RSRC1: variants seen among roughly 807,000 people sequenced by gnomAD.
The protein encoded by RSRC1 is arginine and serine rich coiled-coil 1.
RSRC1 carries 39 observed loss-of-function variants against 49.1 expected under a neutral mutation model. That is an observed-to-expected ratio of 0.79 (90% CI 0.61 to 1.04). The LOEUF (loss-of-function observed/expected upper bound fraction) is 1.04. Ranked by LOEUF, RSRC1 falls within the 50% of genes least tolerant of loss-of-function variation. The pLI is 0.00. For synonymous variants in RSRC1, 143 were observed against 130.8 expected, an observed-to-expected ratio of 1.09 and a Z score of -0.63; for missense variants, 388 against 402.4, an observed-to-expected ratio of 0.96 and a Z score of 0.31.
chr3:158,137,826 GTATTTT>G (rs1165444343), intron 3 of RSRC1, among the ~76,000 whole-genome samples: 6 of 151,656 alleles, frequency 4.0e-5, no homozygotes, highest in African/African-American at 1.5e-4. Flanking sequence ...GCTAATTTTC[GTATTTT>G]TAGTAGAGAC....
chr3:158,290,334 GC>G (rs1383222461), intron 4 of RSRC1, among the ~76,000 whole-genome samples: 2 of 151,024 alleles, frequency 1.3e-5, no homozygotes, highest in Non-Finnish European at 2.9e-5. Context: ...GTGCAGTGGC[GC>G]GATTTCGGCT....
chr3:158,433,804 G>T (rs1312591478), intron 6 of RSRC1, among the ~76,000 whole-genome samples: 6 of 151,854 alleles, frequency 4.0e-5, no homozygotes, highest in African/African-American at 1.5e-4. Context: ...TTGTTAGATG[G>T]ATTGCTGATC....
intron 4 of RSRC1, among the ~76,000 whole-genome samples, chr3:158,296,278 A>T (rs1307891004): frequency 6.6e-6 from 1 of 152,106 alleles, no homozygotes; most frequent in Non-Finnish European, 1.5e-5. Context: ...AGTGTATAAT[A>T]TGCTTCTATT....
At chr3:158,319,502 G>A (rs1160261411) in intron 5 of RSRC1, among the ~76,000 whole-genome samples, 1 of 152,128 alleles carries the variant, frequency 6.6e-6, no homozygotes, top group Non-Finnish European at 1.5e-5. Context: ...TTGTTCCAAG[G>A]TTGACCAAGC....
At chr3:158,190,626 ATT>A (rs201426607) in intron 3 of RSRC1, among the ~76,000 whole-genome samples, 2 of 139,560 alleles carry the variant, frequency 1.4e-5, no homozygotes, top group Admixed American at 7.2e-5. Flanking sequence ...TTTTCCTGGA[ATT>A]TTTTTTTTTT....
chr3:158,460,864 C>T, intron 6 of RSRC1, 71 bp from the exon 7 acceptor site: 11 of 945,122 alleles, frequency 1.2e-5, no homozygotes, highest in Non-Finnish European at 1.2e-5. Context: ...ATTTCTAGTC[C>T]CTTTAACCAA....
intron 7 of RSRC1, among the ~76,000 whole-genome samples, chr3:158,519,225 G>C (rs971496904): frequency 6.6e-6 from 1 of 151,906 alleles, no homozygotes; most frequent in African/African-American, 2.4e-5. Context: ...TTTATCTCCT[G>C]TGCTAACCCT....
intron 6 of RSRC1, among the ~76,000 whole-genome samples, chr3:158,452,582 G>A (rs1376176509): frequency 6.6e-6 from 1 of 152,202 alleles, no homozygotes; most frequent in Non-Finnish European, 1.5e-5. Context: ...TGACACAGCA[G>A]TGTTTGTGAA....
intron 6 of RSRC1, among the ~76,000 whole-genome samples, chr3:158,413,755 T>C (rs1163496774): frequency 2.0e-5 from 3 of 152,050 alleles, no homozygotes; most frequent in Non-Finnish European, 4.4e-5. Flanking sequence ...CACTGGTCAT[T>C]AGAGAAATGC....
At chr3:158,210,223 A>G (rs1010953374) in intron 4 of RSRC1, among the ~76,000 whole-genome samples, 5 of 152,096 alleles carry the variant, frequency 3.3e-5, no homozygotes, top group Admixed American at 2.6e-4. Flanking sequence ...GTTTGGATCA[A>G]AGCAGGGCTG....
chr3:158,265,568 T>G (rs1354231482), intron 4 of RSRC1, among the ~76,000 whole-genome samples: 1 of 151,814 alleles, frequency 6.6e-6, no homozygotes, highest in Non-Finnish European at 1.5e-5. Context: ...GAGGCAGAGG[T>G]TACAGTGAGC....
intron 5 of RSRC1, among the ~76,000 whole-genome samples, chr3:158,324,086 T>C (rs1031931662): frequency 1.3e-5 from 2 of 152,200 alleles, no homozygotes; most frequent in Non-Finnish European, 2.9e-5. Context: ...TTGGAAAAGA[T>C]TTTGATACAG....
intron 7 of RSRC1, among the ~76,000 whole-genome samples, chr3:158,479,369 C>T (rs1444210537): frequency 1.3e-5 from 2 of 151,654 alleles, no homozygotes; most frequent in Admixed American, 1.3e-4. Context: ...CCTGCCAACA[C>T]CAACCCATAG....
At chr3:158,311,931 G>T (rs1363433019) in intron 5 of RSRC1, among the ~76,000 whole-genome samples, 1 of 151,950 alleles carries the variant, frequency 6.6e-6, no homozygotes, top group African/African-American at 2.4e-5. Context: ...AAGCTTCAGA[G>T]AATTGACCAA....
chr3:158,403,365 GA>G (rs1461768350), intron 6 of RSRC1, among the ~76,000 whole-genome samples: 12 of 151,754 alleles, frequency 7.9e-5, no homozygotes, highest in Admixed American at 7.9e-4. Flanking sequence ...TTCTTTTTTA[GA>G]GACACTGAAG....
intron 4 of RSRC1, among the ~76,000 whole-genome samples, chr3:158,239,722 A>C (rs891612693): frequency 2.8e-4 from 42 of 151,370 alleles, no homozygotes; most frequent in Admixed American, 1.1e-3. Flanking sequence ...TTAAAGTATT[A>C]AAAAAAAATG....
intron 4 of RSRC1, among the ~76,000 whole-genome samples, chr3:158,272,259 A>G (rs1725562288): frequency 6.6e-6 from 1 of 152,118 alleles, no homozygotes; most frequent in Non-Finnish European, 1.5e-5. Flanking sequence ...GCCTTATTGA[A>G]TGGAATAACA....
chr3:158,365,300 G>A (rs1296660575), intron 6 of RSRC1, among the ~76,000 whole-genome samples: 1 of 151,234 alleles, frequency 6.6e-6, no homozygotes, highest in African/African-American at 2.4e-5. Context: ...CCCTCCCCTA[G>A]TACCCACCCC....
chr3:158,124,472 T>A (rs1715487729), intron 3 of RSRC1, among the ~76,000 whole-genome samples: 1 of 152,182 alleles, frequency 6.6e-6, no homozygotes, highest in Admixed American at 6.5e-5. Context: ...TCAGTTTTTT[T>A]GGAAGATTTT....
Sources: allele counts gnomAD v4.1 joint callset (sites outside exome capture counted in the v4.1 genomes callset), GRCh38; gene constraint gnomAD v4.1.1; transcripts MANE v1.5; gene names NCBI Gene and HGNC (gene_info 2026-07-23, HGNC 2026-07-21).